The following LOC122539214 variants were observed in gnomAD, a reference collection of about 807,000 sequenced individuals.
chr19:52,659,613 C>CAAAAAA, the LOC122539214 span, among the ~76,000 whole-genome samples: 97 of 114,268 alleles, frequency 8.5e-4, 1 homozygote, highest in African/African-American at 2.7e-3. Context: ...GACTCCAACT[C>CAAAAAA]AAAAAAAAAA....
chr19:52,687,800 G>C, the LOC122539214 span, among the ~76,000 whole-genome samples: 2 of 148,584 alleles, frequency 1.3e-5, no homozygotes, highest in East Asian at 2.0e-4. Flanking sequence ...ACTCCAGCCC[G>C]AGTGATACAG....
At chr19:52,688,253 C>T in the LOC122539214 span, among the ~76,000 whole-genome samples, 1 of 152,044 alleles carries the variant, frequency 6.6e-6, no homozygotes, top group East Asian at 1.9e-4. Context: ...TCACTGCAGC[C>T]TGGACCTCCC....
the LOC122539214 span, among the ~76,000 whole-genome samples, chr19:52,669,262 C>T: frequency 6.6e-6 from 1 of 152,164 alleles, no homozygotes; most frequent in Non-Finnish European, 1.5e-5. Context: ...GGTCTTTTGA[C>T]TCTCACGTCT....
At chr19:52,690,195 A>C in the LOC122539214 span, among the ~76,000 whole-genome samples, 4 of 151,328 alleles carry the variant, frequency 2.6e-5, no homozygotes, top group East Asian at 7.8e-4. Flanking sequence ...AAAAAAAAAA[A>C]AAACAACAAC....
chr19:52,679,949 G>A, the LOC122539214 span, among the ~76,000 whole-genome samples: 4 of 152,176 alleles, frequency 2.6e-5, no homozygotes, highest in South Asian at 4.1e-4. Flanking sequence ...GAGAGGCTGA[G>A]GCGGGTGGAT....
At chr19:52,676,694 G>C in the LOC122539214 span, among the ~76,000 whole-genome samples, 8 of 136,006 alleles carry the variant, frequency 5.9e-5, no homozygotes, top group East Asian at 2.0e-4. Flanking sequence ...AGCGGGGAAA[G>C]GTGGGGAAAA....
chr19:52,683,210 C>T, the LOC122539214 span, among the ~76,000 whole-genome samples: 2 of 150,622 alleles, frequency 1.3e-5, no homozygotes, highest in African/African-American at 4.9e-5. Flanking sequence ...TCCTCAGCTC[C>T]TCAGCTGCCC....
chr19:52,676,792 C>T, the LOC122539214 span, among the ~76,000 whole-genome samples: 3 of 136,692 alleles, frequency 2.2e-5, no homozygotes, highest in African/African-American at 8.7e-5. Context: ...AGAAAAATTC[C>T]TCTGCCTTGG....
the LOC122539214 span, among the ~76,000 whole-genome samples, chr19:52,675,795 A>G: frequency 2.0e-5 from 3 of 152,190 alleles, no homozygotes; most frequent in African/African-American, 7.2e-5. Flanking sequence ...ACTAGGATAG[A>G]CCAAATCTTG....
At chr19:52,660,969 A>G in the LOC122539214 span, 2 of 152,402 alleles carry the variant, frequency 1.3e-5, no homozygotes, top group Non-Finnish European at 2.9e-5. Flanking sequence ...AGTTCAAGGA[A>G]TTCTCTTGCC....
At chr19:52,675,782 T>C in the LOC122539214 span, among the ~76,000 whole-genome samples, 8 of 152,132 alleles carry the variant, frequency 5.3e-5, no homozygotes, top group African/African-American at 1.9e-4. Flanking sequence ...GGAATATAAT[T>C]CCACTAGGAT....
chr19:52,654,194 T>G, the LOC122539214 span: 3 of 1,598,184 alleles, frequency 1.9e-6, no homozygotes, highest in East Asian at 6.7e-5. Context: ...CCAGTCAACT[T>G]TTTGATTTTT....
the LOC122539214 span, among the ~76,000 whole-genome samples, chr19:52,657,225 G>A: frequency 3.9e-5 from 6 of 152,114 alleles, no homozygotes; most frequent in Admixed American, 6.6e-5. Flanking sequence ...CAGAAATTAC[G>A]AAGAACTACA....
At chr19:52,661,854 G>A in the LOC122539214 span, among the ~76,000 whole-genome samples, 545 of 152,306 alleles carry the variant, frequency 3.6e-3, 3 homozygotes, top group African/African-American at 0.012. Flanking sequence ...TAGATAAAGT[G>A]ATGTCACAAC....
the LOC122539214 span, among the ~76,000 whole-genome samples, chr19:52,666,824 C>T: frequency 3.9e-5 from 6 of 152,270 alleles, no homozygotes; most frequent in South Asian, 1.2e-3. Flanking sequence ...CCCTTCCAGA[C>T]AGGACTATAC....
chr19:52,663,843 C>T, the LOC122539214 span, among the ~76,000 whole-genome samples: 1 of 152,146 alleles, frequency 6.6e-6, no homozygotes, highest in Admixed American at 6.5e-5. Context: ...AATGTGATGT[C>T]GTAAGATTCT....
chr19:52,652,720 C>A, the LOC122539214 span: 4 of 687,142 alleles, frequency 5.8e-6, no homozygotes, highest in Admixed American at 4.2e-5. Context: ...AGAATCATTA[C>A]ATTTGTAAAG....
chr19:52,670,239 T>A, the LOC122539214 span, among the ~76,000 whole-genome samples: 1 of 152,134 alleles, frequency 6.6e-6, no homozygotes, highest in African/African-American at 2.4e-5. Context: ...TGCTCCACCC[T>A]GACTCATTCT....
At chr19:52,681,296 A>AAAAAAAAAAAAAAAAAAAC in the LOC122539214 span, among the ~76,000 whole-genome samples, 1 of 150,016 alleles carries the variant, frequency 6.7e-6, no homozygotes. Flanking sequence ...AAAAAAAAAA[A>AAAAAAAAAAAAAAAAAAAC]AAAAAGCAAA....
Sources: allele counts gnomAD v4.1 joint callset (sites outside exome capture counted in the v4.1 genomes callset), GRCh38; gene constraint gnomAD v4.1.1; transcripts MANE v1.5.